The following CNTN5 variants were observed in gnomAD, a reference collection of about 807,000 sequenced individuals.
CNTN5 encodes the protein contactin-5.
A neutral mutation model predicts 129.1 loss-of-function variants in CNTN5; 77 were observed. That is an observed-to-expected ratio of 0.60 (90% CI 0.50 to 0.72). CNTN5 has a LOEUF of 0.72. Ranked by LOEUF, CNTN5 falls within the 30% of genes least tolerant of loss-of-function variation. The pLI is 0.00. For missense variants in CNTN5, 1,478 were observed against 1,328.8 expected, an observed-to-expected ratio of 1.11 and a Z score of -1.75; for synonymous variants, 509 against 465.6, an observed-to-expected ratio of 1.09 and a Z score of -1.20.
chr11:99,285,606 A>AG, intron 1 of CNTN5, among the ~76,000 whole-genome samples: 1 of 147,078 alleles, frequency 6.8e-6, no homozygotes, highest in African/African-American at 2.7e-5. Context: ...AAAAAAAAAA[A>AG]GAAATGAAGA....
At chr11:100,040,453 A>G (rs1267764699) in intron 9 of CNTN5, among the ~76,000 whole-genome samples, 1 of 152,176 alleles carries the variant, frequency 6.6e-6, no homozygotes, top group Non-Finnish European at 1.5e-5. Flanking sequence ...CCATTCTCAG[A>G]TCTCAAGCTG....
intron 2 of CNTN5, among the ~76,000 whole-genome samples, chr11:99,462,360 C>CTTTTTTTTTTTTTTTTTTTTCT (rs72276833): frequency 1.6e-5 from 2 of 125,284 alleles, no homozygotes; most frequent in African/African-American, 2.9e-5. Context: ...CTTTTCTTTT[C>CTTTTTTTTTTTTTTTTTTTTCT]TTTTTTTTTT....
At chr11:99,704,425 G>A (rs562071532) in intron 3 of CNTN5, among the ~76,000 whole-genome samples, 2 of 151,156 alleles carry the variant, frequency 1.3e-5, no homozygotes, top group East Asian at 3.9e-4. Flanking sequence ...CTACAACTCA[G>A]ATTAGTGTGG....
chr11:99,475,516 A>G (rs968518100), intron 2 of CNTN5, among the ~76,000 whole-genome samples: 4 of 152,144 alleles, frequency 2.6e-5, no homozygotes, highest in African/African-American at 7.2e-5. Context: ...TATCTCTGTT[A>G]TATAGCTTAC....
chr11:99,611,486 G>A (rs1950591659), intron 3 of CNTN5, among the ~76,000 whole-genome samples: 4 of 152,166 alleles, frequency 2.6e-5, no homozygotes, highest in Admixed American at 2.6e-4. Context: ...AAAGTTAAAT[G>A]TAAAATAAGA....
chr11:99,223,493 T>C (rs1860511097), intron 1 of CNTN5, among the ~76,000 whole-genome samples: 1 of 152,202 alleles, frequency 6.6e-6, no homozygotes, highest in Non-Finnish European at 1.5e-5. Flanking sequence ...AAGTCAGTAG[T>C]AATAAACTGC....
chr11:99,490,706 C>A (rs1789539515), intron 2 of CNTN5, among the ~76,000 whole-genome samples: 1 of 152,118 alleles, frequency 6.6e-6, no homozygotes, highest in Non-Finnish European at 1.5e-5. Flanking sequence ...CCCAAAGAAA[C>A]CAGAAATTTA....
chr11:99,146,087 C>A (rs1859770466), intron 1 of CNTN5, among the ~76,000 whole-genome samples: 3 of 152,016 alleles, frequency 2.0e-5, no homozygotes, highest in Non-Finnish European at 4.4e-5. Flanking sequence ...CTTAACTCAT[C>A]ATTACCCTGC....
chr11:99,786,151 G>A (rs75922661), intron 3 of CNTN5, among the ~76,000 whole-genome samples: 1 of 152,228 alleles, frequency 6.6e-6, no homozygotes, highest in African/African-American at 2.4e-5. Context: ...AGCAACTTCA[G>A]CAAAGTCTCA....
intron 6 of CNTN5, among the ~76,000 whole-genome samples, chr11:99,897,115 G>GA (rs1288900827): frequency 2.6e-5 from 4 of 151,380 alleles, no homozygotes; most frequent in African/African-American, 9.7e-5. Flanking sequence ...TGCAAATAAA[G>GA]AAAAAAATTT....
intron 13 of CNTN5, among the ~76,000 whole-genome samples, chr11:100,170,596 A>T (rs141003374): frequency 6.6e-6 from 1 of 152,130 alleles, no homozygotes; most frequent in East Asian, 1.9e-4. Flanking sequence ...GTCAGTAAGC[A>T]GGTTGTTTCA....
intron 1 of CNTN5, among the ~76,000 whole-genome samples, chr11:99,074,425 A>T (rs1591147853): frequency 6.6e-6 from 1 of 152,078 alleles, no homozygotes; most frequent in African/African-American, 2.4e-5. Context: ...AATAACCTAG[A>T]ACTGTAGAAA....
chr11:99,368,787 G>C (rs1017520547), intron 2 of CNTN5, among the ~76,000 whole-genome samples: 1 of 152,092 alleles, frequency 6.6e-6, no homozygotes, highest in Non-Finnish European at 1.5e-5. Context: ...TAGTGCACCA[G>C]ACATAATTAA....
chr11:99,554,071 T>C (rs1270930575), intron 2 of CNTN5, among the ~76,000 whole-genome samples: 1 of 151,760 alleles, frequency 6.6e-6, no homozygotes, highest in Non-Finnish European at 1.5e-5. Context: ...AAATTCAGTG[T>C]ACCATTTATA....
intron 1 of CNTN5, among the ~76,000 whole-genome samples, chr11:99,151,416 A>T (rs541999401): frequency 7.9e-5 from 12 of 152,128 alleles, no homozygotes; most frequent in Admixed American, 2.0e-4. Flanking sequence ...TAAAATTAGC[A>T]TTCCCTTCTT....
At chr11:100,301,754 G>A (rs1209085185) in intron 20 of CNTN5, among the ~76,000 whole-genome samples, 2 of 151,568 alleles carry the variant, frequency 1.3e-5, no homozygotes, top group Admixed American at 6.6e-5. Context: ...ACCATCTTGG[G>A]CAGTTTATTC....
At chr11:99,898,503 C>T (rs74375718) in intron 6 of CNTN5, among the ~76,000 whole-genome samples, 13,463 of 151,976 alleles carry the variant, frequency 0.089, 1,303 homozygotes, top group African/African-American at 0.24. Context: ...TCAATAAGCT[C>T]ACTTATTCAT....
At chr11:99,064,982 T>A (rs1381548155) in intron 1 of CNTN5, among the ~76,000 whole-genome samples, 1 of 152,018 alleles carries the variant, frequency 6.6e-6, no homozygotes, top group Non-Finnish European at 1.5e-5. Flanking sequence ...CTTTTTTAAC[T>A]TTTAATAAAA....
chr11:100,313,870 T>C (rs1951524316), intron 21 of CNTN5, among the ~76,000 whole-genome samples: 1 of 152,000 alleles, frequency 6.6e-6, no homozygotes, highest in African/African-American at 2.4e-5. Flanking sequence ...TTAAAGGAGT[T>C]GACCAAAAAG....
Sources: allele counts gnomAD v4.1 joint callset (sites outside exome capture counted in the v4.1 genomes callset), GRCh38; gene constraint gnomAD v4.1.1; transcripts MANE v1.5; gene names NCBI Gene and HGNC (gene_info 2026-07-23, HGNC 2026-07-21).